The following MAP3K6 variants were observed in gnomAD, a reference collection of about 807,000 sequenced individuals.
The protein encoded by MAP3K6 is mitogen-activated protein kinase kinase kinase 6.
Under a neutral mutation model 147.1 loss-of-function variants are expected in MAP3K6, and 105 were observed. The ratio of observed to expected loss-of-function variants is 0.71; its 90% CI spans 0.61 to 0.84. The LOEUF (loss-of-function observed/expected upper bound fraction) is 0.84, where lower values mean the gene tolerates loss of function less well. Ranked by LOEUF, MAP3K6 falls within the 40% of genes least tolerant of loss-of-function variation. The pLI is 0.00. For synonymous variants in MAP3K6, 695 were observed against 732.4 expected (o/e 0.95, Z 0.82); for missense variants, 1,569 against 1,715.0 (o/e 0.91, Z 1.50).
chr1:27,366,417 G>A lies in MAP3K6; in HGVS notation c.181C>T (p.Pro61Ser). ...GGCTCCGCCTCGGTTCCCTCCCGAG[G>A]CTCGAGCCCGGGCTGCGGCTCCCGG... ...LTREPQPGLE[P>S]REGTEAEPLP... The change falls in exon 1 of 29, where the codon CCT becomes TCT. Residue 61 changes from proline (P) to serine (S), a missense_variant. Pro to Ser is a moderately conservative substitution (Grantham distance 74, BLOSUM62 -1). Coordinates refer to ENST00000357582, the MANE Select transcript of MAP3K6 (RefSeq NM_004672.5). This position sits in a 1 kb window ranked among gnomAD's most constrained non-coding sequence, Gnocchi z 5.5. 8.2e-7 allele frequency: 1 copy of A among 1,226,410 alleles called. No individual in the cohort carries two copies. The highest frequency in any genetic ancestry group is 1.0e-6 in the Non-Finnish European group (1 of 984,048). The allele number at this position is 1,226,410 out of a possible 1,614,324, so 76.0% of individuals were successfully genotyped here.
In MAP3K6 at chr1:27,361,024, G is replaced by A. The variant is rs1399985948; in HGVS notation, c.1833-16C>T. ...GCCGCAGAACCTGAAGGTGGGGGAG[G>A]TCAGACCCGCGGGAGGGGCATCTTG... On this transcript the variant is annotated splice_polypyrimidine_tract_variant and intron_variant, in intron 13 of 28. Transcript: ENST00000357582. 3.2e-6 allele frequency: 5 copies of A among 1,566,210 alleles called. No homozygotes were observed. The highest frequency in any genetic ancestry group is 4.3e-6 in the Non-Finnish European group (5 of 1,154,892).
At position 27,360,714 on chromosome 1, in the gene MAP3K6, C is replaced by T. The variant is rs372596065; in HGVS notation, c.2045G>A (p.Arg682Gln). 4.2e-5 allele frequency: 68 copies of T among 1,611,736 alleles called. No individual in the cohort carries two copies. In the African/African-American group the frequency reaches 5.3e-4, roughly 13 times the overall value. The change falls in exon 15 of 29, where the codon CGG becomes CAG. Residue 682 changes from arginine to glutamine, a missense_variant. Physicochemically the swap from Arg to Gln is conservative, Grantham distance 43 (BLOSUM62 1). Coordinates refer to ENST00000357582, the MANE Select transcript of MAP3K6 (RefSeq NM_004672.5). This position sits in a 1 kb window ranked among gnomAD's most constrained non-coding sequence, Gnocchi z 4.5. Reference protein sequence around the residue: ...VRIAIKEIPERDSRFSQPLHE... With the variant: ...VRIAIKEIPEQDSRFSQPLHE... ...CTGCCACGCACCGCACCTGCTGTCC[C>T]GCTCCGGGATCTCCTTGATGGCGAT...
Position 27,355,948 on chromosome 1 carries a change from G to A in MAP3K6, c.3711+78C>T. On this transcript the variant is annotated intron_variant, in intron 27 of 28. Transcript: ENST00000357582. ...GAGATTCTCTGCATCAGAGGGCACA[G>A]TAGAAGAGCAGGAAGATGGACAGAG... 4 of 1,243,364 alleles carry A rather than the reference G, an allele frequency of 3.2e-6. No homozygotes were observed. The South Asian group carries it at 4.8e-5, about 15-fold the overall frequency. The allele number at this position is 1,243,364 out of a possible 1,614,324, so 77.0% of individuals were successfully genotyped here. A position where few individuals can be genotyped will look rare whatever the true frequency, so the allele number is the denominator to read the frequency against.
chr1:27,366,385 G>A lies in MAP3K6; in HGVS notation c.213C>T (p.Pro71=), dbSNP rs1442719622. 1.6e-6 allele frequency: 2 copies of A among 1,254,902 alleles called. No individual in the cohort carries two copies. The highest frequency in any genetic ancestry group is 3.1e-5 in the African/African-American group (2 of 64,138). 77.7% of individuals were successfully genotyped at this position (1,254,902 alleles called of 1,614,324 possible). The change falls in exon 1 of 29, where the codon CCC becomes CCT. Residue 71 remains proline (P), a synonymous_variant. Transcript: ENST00000357582. The surrounding 1 kb of genome is among the most constrained non-coding windows in gnomAD (Gnocchi z 5.5). ...PREGTEAEPL[P]LRCLREACAQ... Reference sequence around the variant, plus strand: ...CGCAAGCCTCGCGCAGGCAGCGCAGGGGCAGCGGCTCCGCCTCGGTTCCCT... The same window carrying A: ...CGCAAGCCTCGCGCAGGCAGCGCAGAGGCAGCGGCTCCGCCTCGGTTCCCT...
chr1:27,362,141 G>T lies in MAP3K6; in HGVS notation c.1365C>A (p.Thr455=). Reference sequence around the variant, plus strand: ...GCTGCTCTGCAGCCAGCACCACCTGGGTGGGGTCATTGGCGAGGATCTGGG... The same window carrying T: ...GCTGCTCTGCAGCCAGCACCACCTGTGTGGGGTCATTGGCGAGGATCTGGG... ...LGAQILANDP[T]QVVLAAEQLY... The change falls in exon 9 of 29, where the codon ACC becomes ACA. Residue 455 remains threonine, a synonymous_variant. Coordinates refer to ENST00000357582, the MANE Select transcript of MAP3K6 (RefSeq NM_004672.5). 2 of 1,613,744 alleles carry T rather than the reference G, an allele frequency of 1.2e-6. No individual in the cohort carries two copies. Among genetic ancestry groups the T allele is most frequent in the East Asian group, 4.5e-5 (2 of 44,878 alleles).
Position 27,363,899 on chromosome 1 carries a change from T to C in MAP3K6, c.864+18A>G. The C allele has an allele frequency of 6.4e-7, 1 of 1,556,810 alleles. No homozygotes were observed. Among genetic ancestry groups the C allele is most frequent in the Non-Finnish European group, 8.7e-7 (1 of 1,150,118 alleles). ...CTCAAATGCCAGCTGCCCTACTGCC[T>C]CTCTGAACACCACGCACCTGCACAT... On this transcript the variant is annotated intron_variant, in intron 5 of 28. Coordinates refer to ENST00000357582, the MANE Select transcript of MAP3K6 (RefSeq NM_004672.5).
chr1:27,363,815 G>T, intron 5 of MAP3K6, 102 bp downstream of exon 5: 1 of 1,172,520 alleles, frequency 8.5e-7, no homozygotes, highest in Non-Finnish European at 1.2e-6. Flanking sequence ...TGGATAATTT[G>T]CCCAAAGCCA....
Position 27,361,540 on chromosome 1 carries a change from G to C in MAP3K6, c.1666C>G (p.Leu556Val), listed in dbSNP as rs137930350. Residue 556 changes from leucine to valine, a missense_variant, in exon 11 of 29, where the codon CTG becomes GTG. Leu to Val is a conservative substitution (Grantham distance 32). Transcript: ENST00000357582. The part of the protein sequence containing the change: ...TDPVSTVTLS[L>V]LEPETQDIPS... ...TTCACCTGGGTCTCAGGCTCCAGCA[G>C]GCTCAGGGTCACTGTGCTTACTGGG... is the stretch of plus-strand genomic sequence containing the variant. The C allele has an allele frequency of 2.3e-4, 365 of 1,614,206 alleles. No individual in the cohort carries two copies. The highest frequency in any genetic ancestry group is 1.5e-3 in the Middle Eastern group (9 of 6,062).
At position 27,360,786 on chromosome 1, in the gene MAP3K6, G is replaced by T. The variant is rs563940711; in HGVS notation, c.1973C>A (p.Thr658Lys). The T allele has an allele frequency of 6.2e-7, 1 of 1,612,714 alleles. No homozygotes were observed. Among genetic ancestry groups the T allele is most frequent in the East Asian group, 2.2e-5 (1 of 44,858 alleles). Residue 658 changes from threonine (T) to lysine (K), a missense_variant, in exon 15 of 29, where the codon ACG (threonine) becomes AAG (lysine). Coordinates refer to ENST00000357582, the MANE Select transcript of MAP3K6 (RefSeq NM_004672.5). The surrounding 1 kb of genome is among the most constrained non-coding windows in gnomAD (Gnocchi z 4.5). ...TGERLVLGKG[T>K]YGVVYAGRDR... ...GCGGCCCGCGTACACCACCCCATAC[G>T]TGCCCTTGCCCAGCACCAGCCGCTC...
Position 27,358,854 on chromosome 1 carries a change from T to C in MAP3K6, c.2438A>G (p.Tyr813Cys). Residue 813 changes from tyrosine (Y) to cysteine (C), a missense_variant, in exon 19 of 29, where the codon TAT (tyrosine) becomes TGT (cysteine). Transcript: ENST00000357582. The surrounding 1 kb of genome is among the most constrained non-coding windows in gnomAD (Gnocchi z 6.2). ...CTGGTCAATGATTTCTGGGGCCATA[T>C]ACTGCAGAGTTCCTAGGACAGAAAC... is the stretch of plus-strand genomic sequence containing the variant. ...CTETFTGTLQ[Y>C]MAPEIIDQGP... is the part of the protein sequence containing the mutation. 1 of 1,582,350 alleles carries C rather than the reference T, an allele frequency of 6.3e-7. No homozygotes were observed. Among genetic ancestry groups the C allele is most frequent in the Non-Finnish European group, 8.6e-7 (1 of 1,163,728 alleles).
In MAP3K6 at chr1:27,363,951, A is replaced by G; in HGVS notation, c.830T>C (p.Ile277Thr). ...GCGGTAGGAGAGCAGCAAGTTCATG[A>G]TGATGTCGGGGCTCAGCAGCTCCAC... ...DSVELLSPDIIMNLLLSYRDV... is the reference protein window; with the variant it reads ...DSVELLSPDITMNLLLSYRDV... The change falls in exon 5 of 29, where the codon ATC becomes ACC. Residue 277 changes from isoleucine (I) to threonine (T), a missense_variant. Coordinates refer to ENST00000357582, the MANE Select transcript of MAP3K6 (RefSeq NM_004672.5). 2.5e-6 allele frequency: 4 copies of G among 1,606,884 alleles called. No homozygotes were observed. Among genetic ancestry groups the G allele is most frequent in the South Asian group, 1.1e-5 (1 of 90,808 alleles).
At chr1:27,357,364 T>C in intron 23 of MAP3K6, 36 bp downstream of exon 23, 1 of 1,572,392 alleles carries the variant, frequency 6.4e-7, no homozygotes, top group Non-Finnish European at 8.6e-7. Context: ...CACTACCTGT[T>C]GTTGGGCAGC....
rs758070513 is a variant in MAP3K6 at position 27,357,756 on chromosome 1, C to T, written c.3036G>A (p.Leu1012=). 2.5e-5 allele frequency: 41 copies of T among 1,611,530 alleles called. No individual in the cohort carries two copies. The highest frequency in any genetic ancestry group is 3.1e-5 in the Non-Finnish European group (37 of 1,179,758). ...GGTGCAGATTCTCCGCCAGCGCTGG[C>T]AGCTCCTGCTCCAATACTGCGGCCA... ...AMLAAVLEQE[L]PALAENLHQE... Residue 1012 remains leucine (L), a synonymous_variant, in exon 22 of 29, where the codon CTG becomes CTA. Transcript: ENST00000357582.
rs753872550 is a variant in MAP3K6 at position 27,359,459 on chromosome 1, T to C, written c.2383A>G (p.Lys795Glu). The C allele has an allele frequency of 6.2e-7, 1 of 1,614,160 alleles. No individual in the cohort carries two copies. Among genetic ancestry groups the C allele is most frequent in the Non-Finnish European group, 8.5e-7 (1 of 1,180,020 alleles). ...CAAGGTGTGATGCCTGCCAGCCGCT[T>C]GGAGGTGCCGAAGTCAGAAATCTTG... The part of the protein sequence containing the change: ...LLKISDFGTS[K>E]RLAGITPCTE... The change falls in exon 18 of 29, where the codon AAG becomes GAG. Residue 795 changes from lysine (K) to glutamate (E), a missense_variant. Transcript: ENST00000357582. The surrounding 1 kb of genome is among the most constrained non-coding windows in gnomAD (Gnocchi z 4.4).
Position 27,359,561 on chromosome 1 carries a change from T to G in MAP3K6, c.2320-39A>C. ...ATTAGTGGACACTGGTCTGGGCCCC[T>G]GCCAGCAGAAGTAGACCCTCTTTCT... On this transcript the variant is annotated intron_variant, in intron 17 of 28. Transcript: ENST00000357582. The surrounding 1 kb of genome is among the most constrained non-coding windows in gnomAD (Gnocchi z 4.4). 2 of 1,613,468 alleles carry G rather than the reference T, an allele frequency of 1.2e-6. No homozygotes were observed. Among genetic ancestry groups the G allele is most frequent in the South Asian group, 1.1e-5 (1 of 90,998 alleles).
Position 27,358,671 on chromosome 1 carries a change from T to A in MAP3K6, c.2583+38A>T, listed in dbSNP as rs370427359. 1.2e-6 allele frequency: 2 copies of A among 1,613,628 alleles called. No individual in the cohort carries two copies. Among genetic ancestry groups the A allele is most frequent in the Non-Finnish European group, 8.5e-7 (1 of 1,179,932 alleles). ...AGGTGTCCAAGGCCCAGGCTGGCCC[T>A]ATGCCACTTCCATGGGCCAGGCCCA... On this transcript the variant is annotated intron_variant, in intron 19 of 28. Transcript: ENST00000357582. The surrounding 1 kb of genome is among the most constrained non-coding windows in gnomAD (Gnocchi z 6.2).
intron 26 of MAP3K6, 90 bp from the exon 27 acceptor site, chr1:27,356,189 C>T: frequency 7.6e-7 from 1 of 1,318,308 alleles, no homozygotes; most frequent in Non-Finnish European, 1.1e-6. Flanking sequence ...AGCCAAGGCC[C>T]ACTCAGGTGA....
At position 27,357,885 on chromosome 1, in the gene MAP3K6, A is replaced by G; in HGVS notation, c.2916-9T>C. ...CAGGCTCCTCGGGCACCCTGGGCAC[A>G]AGGGCGAGCTGCTGATTGAGGACGG... On this transcript the variant is annotated splice_polypyrimidine_tract_variant and intron_variant, in intron 21 of 28. Coordinates refer to ENST00000357582, the MANE Select transcript of MAP3K6 (RefSeq NM_004672.5). 3.2e-6 allele frequency: 5 copies of G among 1,579,526 alleles called. No individual in the cohort carries two copies. The highest frequency in any genetic ancestry group is 4.3e-6 in the Non-Finnish European group (5 of 1,168,662).
At position 27,360,596 on chromosome 1, in the gene MAP3K6, C is replaced by T. The variant is rs2015712148; in HGVS notation, c.2054+109G>A. The T allele has an allele frequency of 2.7e-6, 4 of 1,463,454 alleles. No individual in the cohort carries two copies. The highest frequency in any genetic ancestry group is 3.6e-6 in the Non-Finnish European group (4 of 1,104,246). The allele number at this position is 1,463,454 out of a possible 1,614,324, so 90.7% of individuals were successfully genotyped here. A position where few individuals can be genotyped will look rare whatever the true frequency, so the allele number is the denominator to read the frequency against. ...GTCCACAGGGCTCGAACTCTCAGGT[C>T]CTACGAGCCCGCCCACTAGGCCCCG... is the stretch of plus-strand genomic sequence containing the variant. On this transcript the variant is annotated intron_variant, in intron 15 of 28. Transcript: ENST00000357582. The surrounding 1 kb of genome is among the most constrained non-coding windows in gnomAD (Gnocchi z 4.5).
Sources: gnomAD v4.1 joint callset for allele counts on GRCh38, gnomAD v4.1.1 for gene constraint, Gnocchi (gnomAD v3.1) non-coding constraint, MANE v1.5 for transcripts, NCBI Gene and HGNC (gene_info 2026-07-23, HGNC 2026-07-21) for gene names.